Variants in KCNN2 observed in about 807,000 individuals in gnomAD.
KCNN2 encodes the protein potassium calcium-activated channel subfamily N member 2.
In KCNN2, 24 loss-of-function variants were observed where a neutral mutation model predicts 55.5. The ratio of observed to expected loss-of-function variants is 0.43; its 90% CI spans 0.31 to 0.61. The LOEUF (loss-of-function observed/expected upper bound fraction) is 0.61, where lower values mean the gene tolerates loss of function less well. Ranked by LOEUF, KCNN2 falls within the 20% of genes least tolerant of loss-of-function variation. The probability of loss-of-function intolerance (pLI) is 0.08; values close to 1 mark genes in which losing one functional copy is unlikely to be tolerated. For missense variants in KCNN2, 754 were observed against 853.6 expected, an observed-to-expected ratio of 0.88 and a Z score of 1.45; for synonymous variants, 431 against 336.1, an observed-to-expected ratio of 1.28 and a Z score of -3.09.
rs1193073148 is a variant in KCNN2 at position 114,397,171 on chromosome 5, C to T, written c.1219-7267C>T. Among the ~76,000 whole-genome samples the T allele has an allele frequency of 4.6e-5, 7 of 152,256 alleles. No individual in the cohort carries two copies. The East Asian group carries it at 1.4e-3, about 29-fold the overall frequency. On this transcript the variant is annotated intron_variant, in intron 2 of 7. Transcript: ENST00000673685. ...CATGTCTTTGCTATTGTGAATACTG[C>T]TGCAGTGAACATACGCGTACGTGTA...
At chr5:114,345,019 C>G (rs1757082044) in intron 2 of KCNN2, among the ~76,000 whole-genome samples, 1 of 152,118 alleles carries the variant, frequency 6.6e-6, no homozygotes, top group Non-Finnish European at 1.5e-5. Context: ...TACATATGCA[C>G]AAGGTTACTC....
In KCNN2 at chr5:114,177,445, G is replaced by A. The variant is rs116869647; in HGVS notation, c.-270-44035G>A. Among the ~76,000 whole-genome samples, 654 of 151,942 alleles carry A rather than the reference G, an allele frequency of 4.3e-3. 33 individuals carry two copies. The East Asian group carries it at 0.097, about 22-fold the overall frequency. ...GGCCACGGCACCCAGCTAATATGCT[G>A]TTTTGTATGTATGTCACACATCACA... On this transcript the variant is annotated intron_variant, in intron 1 of 10. Coordinates refer to the KCNN2 transcript ENST00000512097.
intron 2 of KCNN2, among the ~76,000 whole-genome samples, chr5:114,389,593 T>A (rs1234552221): frequency 6.6e-6 from 1 of 152,166 alleles, no homozygotes; most frequent in Non-Finnish European, 1.5e-5. Flanking sequence ...TAGTTAAGCA[T>A]ACTTTAAAAC....
rs186983011 is a variant in KCNN2, at chr5:114,474,173, A to G, written c.1890+1009A>G. Among the ~76,000 whole-genome samples the G allele has an allele frequency of 5.8e-3, 887 of 152,304 alleles. 8 individuals are homozygous for G. Among genetic ancestry groups the G allele is most frequent in the South Asian group, 0.022 (105 of 4,826 alleles). On this transcript the variant is annotated intron_variant, in intron 5 of 7. Transcript: ENST00000673685. ...TTCACTCACTCTTGATTTTGGTTGT[A>G]TATTTAAAAGTAATCTTGTTTAATT...
chr5:114,067,847 A>G (rs1750483451), intron 1 of KCNN2, among the ~76,000 whole-genome samples: 1 of 152,198 alleles, frequency 6.6e-6, no homozygotes, highest in East Asian at 1.9e-4. Flanking sequence ...AATATTAATG[A>G]CTATTCTAAA....
chr5:114,314,406 G>A (rs1214946528), intron 2 of KCNN2, among the ~76,000 whole-genome samples: 1 of 151,996 alleles, frequency 6.6e-6, no homozygotes, highest in East Asian at 1.9e-4. Flanking sequence ...AATATGTAAT[G>A]TCATATATTT....
chr5:114,145,534 G>A lies in KCNN2; in HGVS notation c.-270-75946G>A, dbSNP rs563004656. Among the ~76,000 whole-genome samples the A allele has an allele frequency of 6.6e-5, 10 of 152,270 alleles. 1 individual carries two copies. Among genetic ancestry groups the A allele is most frequent in the African/African-American group, 2.4e-4 (10 of 41,558 alleles). ...ACCAGATGGTAGTGTGACTGCCCAA[G>A]TTTGAATATCTAATGAGAGATATCC... On this transcript the variant is annotated intron_variant, in intron 1 of 10. Transcript: ENST00000512097.
chr5:114,068,421 C>T (rs765659858), intron 1 of KCNN2, among the ~76,000 whole-genome samples: 14 of 152,136 alleles, frequency 9.2e-5, no homozygotes, highest in Non-Finnish European at 1.6e-4. Context: ...TTGTACCAGC[C>T]CCTGTTTATT....
At chr5:114,159,439 A>T (rs571988363) in intron 1 of KCNN2, among the ~76,000 whole-genome samples, 1 of 152,210 alleles carries the variant, frequency 6.6e-6, no homozygotes, top group Non-Finnish European at 1.5e-5. Flanking sequence ...GTCAATGTTC[A>T]TCAAGGATAT....
intron 1 of KCNN2, among the ~76,000 whole-genome samples, chr5:114,064,334 A>G (rs754660558): frequency 2.2e-4 from 33 of 152,184 alleles, no homozygotes; most frequent in Non-Finnish European, 4.0e-4. Context: ...AGTGAAAGTG[A>G]CATTCTGAGG....
intron 2 of KCNN2, among the ~76,000 whole-genome samples, chr5:114,236,140 T>G (rs1249529596): frequency 6.6e-6 from 1 of 152,234 alleles, no homozygotes; most frequent in Non-Finnish European, 1.5e-5. Context: ...GTTTTGGTAG[T>G]CCATTGTTAT....
rs774666277 is a variant in KCNN2 at position 114,319,556 on chromosome 5, G to T, written c.-184-41389G>T. Among the ~76,000 whole-genome samples, 148 of 152,148 alleles carry T rather than the reference G, an allele frequency of 9.7e-4. 2 individuals are homozygous for T. The highest frequency in any genetic ancestry group is 3.4e-4 in the Non-Finnish European group (23 of 68,032). On this transcript the variant is annotated intron_variant, in intron 2 of 10. Coordinates refer to the KCNN2 transcript ENST00000512097. The stretch of plus-strand genomic sequence containing the variant: ...CCATAAATATATTTAAAGCTGAGGT[G>T]AGTTGCTACTAGAAAATCATTGTTT...
chr5:114,291,700 A>T (rs1041747730), intron 2 of KCNN2, among the ~76,000 whole-genome samples: 11 of 152,226 alleles, frequency 7.2e-5, no homozygotes, highest in Non-Finnish European at 1.2e-4. Context: ...CTTTGGGTAT[A>T]TACCCAGTAA....
At chr5:114,204,778 T>G (rs542969049) in intron 1 of KCNN2, among the ~76,000 whole-genome samples, 1 of 152,376 alleles carries the variant, frequency 6.6e-6, no homozygotes, top group South Asian at 2.1e-4. Flanking sequence ...TTGGCCTGAC[T>G]GATTTTAGAC....
At chr5:114,241,824 G>GTGTATA (rs1180310046) in intron 2 of KCNN2, among the ~76,000 whole-genome samples, 1 of 31,974 alleles carries the variant, frequency 3.1e-5, no homozygotes, top group African/African-American at 1.1e-4. Context: ...ATATATGTGT[G>GTGTATA]TATATATATA....
chr5:114,471,423 C>A (rs1469667030), intron 4 of KCNN2, among the ~76,000 whole-genome samples: 20 of 152,152 alleles, frequency 1.3e-4, no homozygotes. Flanking sequence ...CTATAATGTT[C>A]AGTACAGGTG....
intron 2 of KCNN2, among the ~76,000 whole-genome samples, chr5:114,305,918 G>C (rs1580709630): frequency 6.6e-6 from 1 of 152,168 alleles, no homozygotes; most frequent in East Asian, 1.9e-4. Flanking sequence ...AAGTGACAGA[G>C]GGATTAAACA....
At chr5:114,206,016 TCAAGTC>T (rs1340887642) in intron 1 of KCNN2, among the ~76,000 whole-genome samples, 1 of 152,212 alleles carries the variant, frequency 6.6e-6, no homozygotes, top group Admixed American at 6.5e-5. Context: ...AGGAAAGACT[TCAAGTC>T]CAAAGTTCAT....
Position 114,204,309 on chromosome 5 carries a change from A to G in KCNN2, c.-270-17171A>G, listed in dbSNP as rs554072896. Among the ~76,000 whole-genome samples the G allele has an allele frequency of 2.0e-5, 3 of 152,344 alleles. No homozygotes were observed. The East Asian group carries it at 5.8e-4, about 29-fold the overall frequency. On this transcript the variant is annotated intron_variant, in intron 1 of 10. Transcript: ENST00000512097. ...AAGGAAAATAAAATTGTTTGCTTCT[A>G]TGTAATTCCTGTCATTCTGCAGGAA...
Sources: allele counts gnomAD v4.1 joint callset (sites outside exome capture counted in the v4.1 genomes callset), GRCh38; gene constraint gnomAD v4.1.1; transcripts MANE v1.5; gene names NCBI Gene and HGNC (gene_info 2026-07-23, HGNC 2026-07-21).